The following FRMD6 variants were observed in gnomAD, a reference collection of about 807,000 sequenced individuals.
FRMD6 encodes the protein FERM domain containing 6.
In FRMD6, 37 loss-of-function variants were observed where a neutral mutation model predicts 73.2. The ratio of observed to expected loss-of-function variants is 0.51; its 90% confidence interval spans 0.39 to 0.66. FRMD6 has a LOEUF of 0.66. Ranked by LOEUF, FRMD6 falls within the 30% of genes least tolerant of loss-of-function variation. The pLI is 0.00. For missense variants in FRMD6, 714 were observed against 780.5 expected, an observed-to-expected ratio of 0.91 and a Z score of 1.02; for synonymous variants, 273 against 282.2, an observed-to-expected ratio of 0.97 and a Z score of 0.33.
intron 1 of FRMD6, among the ~76,000 whole-genome samples, chr14:51,657,738 G>A (rs1231370446): frequency 6.6e-6 from 1 of 152,144 alleles, no homozygotes; most frequent in Non-Finnish European, 1.5e-5. Context: ...GAGGTAAGAT[G>A]TGAGAGGAAA....
At chr14:51,582,433 G>C (rs1300283504) in intron 2 of FRMD6, among the ~76,000 whole-genome samples, 1 of 152,130 alleles carries the variant, frequency 6.6e-6, no homozygotes, top group Non-Finnish European at 1.5e-5. Flanking sequence ...TTGGAGTTTT[G>C]CTGTATTTTC....
chr14:51,534,896 C>T (rs1364466635), intron 1 of FRMD6, among the ~76,000 whole-genome samples: 2 of 152,176 alleles, frequency 1.3e-5, no homozygotes, highest in East Asian at 3.9e-4. Flanking sequence ...AGGTACTCTC[C>T]AGTGGAGAAC....
At chr14:51,557,967 TA>T (rs3060582) in intron 1 of FRMD6, among the ~76,000 whole-genome samples, 1,894 of 149,234 alleles carry the variant, frequency 0.013, 34 homozygotes, top group African/African-American at 0.043. Context: ...AAATAAAAGT[TA>T]AAAAAAAAAG....
chr14:51,468,675 G>A, the FRMD6 span, among the ~76,000 whole-genome samples: 20 of 152,150 alleles, frequency 1.3e-4, no homozygotes, highest in African/African-American at 4.1e-4. Context: ...TGGGCAGGGG[G>A]ACAATTCAGT....
chr14:51,724,469 G>A (rs1349773256), intron 12 of FRMD6, among the ~76,000 whole-genome samples: 1 of 152,194 alleles, frequency 6.6e-6, no homozygotes, highest in Non-Finnish European at 1.5e-5. Flanking sequence ...GATCGTTCTA[G>A]ATCCTCTACT....
chr14:51,498,846 A>G (rs953738958), intron 1 of FRMD6, among the ~76,000 whole-genome samples: 1 of 152,174 alleles, frequency 6.6e-6, no homozygotes, highest in African/African-American at 2.4e-5. Context: ...TGTAAAATCT[A>G]CCACTAGATC....
At chr14:51,404,135 A>G in the FRMD6 span, among the ~76,000 whole-genome samples, 60 of 152,242 alleles carry the variant, frequency 3.9e-4, no homozygotes, top group Non-Finnish European at 6.8e-4. Flanking sequence ...TTGAAATACT[A>G]TTGCATTGTA....
intron 1 of FRMD6, among the ~76,000 whole-genome samples, chr14:51,496,613 C>T (rs560364609): frequency 1.3e-5 from 2 of 152,316 alleles, no homozygotes; most frequent in South Asian, 4.1e-4. Flanking sequence ...AGTTGCACAG[C>T]ATTACTTCTG....
At chr14:51,458,882 C>T in the FRMD6 span, among the ~76,000 whole-genome samples, 1 of 152,182 alleles carries the variant, frequency 6.6e-6, no homozygotes, top group African/African-American at 2.4e-5. Context: ...CTAAAACACT[C>T]AAGTTCACTG....
chr14:51,680,542 G>A (rs1594720857), intron 1 of FRMD6, among the ~76,000 whole-genome samples: 1 of 152,278 alleles, frequency 6.6e-6, no homozygotes, highest in East Asian at 1.9e-4. Context: ...ACTTTAACAA[G>A]TGCTAGAGTT....
At chr14:51,622,596 G>A (rs1271886473) in intron 2 of FRMD6, among the ~76,000 whole-genome samples, 1 of 152,128 alleles carries the variant, frequency 6.6e-6, no homozygotes, top group Non-Finnish European at 1.5e-5. Context: ...CTGCCCTAGA[G>A]CTTCACTCGG....
At chr14:51,444,627 T>A in the FRMD6 span, among the ~76,000 whole-genome samples, 1 of 152,186 alleles carries the variant, frequency 6.6e-6, no homozygotes, top group South Asian at 2.1e-4. Flanking sequence ...CTTTGAAGGC[T>A]CTGTCTGCCT....
chr14:51,582,625 C>T (rs752249704), intron 2 of FRMD6, among the ~76,000 whole-genome samples: 4 of 152,200 alleles, frequency 2.6e-5, no homozygotes, highest in East Asian at 1.9e-4. Flanking sequence ...TGAAGCCATG[C>T]TTGCTCTGAG....
the FRMD6 span, among the ~76,000 whole-genome samples, chr14:51,460,515 T>C: frequency 1.3e-5 from 2 of 152,234 alleles, no homozygotes; most frequent in African/African-American, 2.4e-5. Flanking sequence ...TAAGGTAGTT[T>C]CCTAAAAATA....
the FRMD6 span, among the ~76,000 whole-genome samples, chr14:51,431,243 G>A: frequency 6.6e-6 from 1 of 152,170 alleles, no homozygotes; most frequent in African/African-American, 2.4e-5. Context: ...TTCAAAGTTT[G>A]CAAACAGGAA....
intron 2 of FRMD6, among the ~76,000 whole-genome samples, chr14:51,604,192 T>C (rs1437819169): frequency 3.3e-5 from 5 of 152,174 alleles, no homozygotes; most frequent in African/African-American, 1.2e-4. Flanking sequence ...ATGGTGCAGG[T>C]CTGGGAGGAA....
chr14:51,446,846 A>C, the FRMD6 span, among the ~76,000 whole-genome samples: 1 of 152,194 alleles, frequency 6.6e-6, no homozygotes, highest in African/African-American at 2.4e-5. Context: ...TCCTTGGAGA[A>C]GACAGACATA....
At chr14:51,575,990 A>ACTGAATTCTTAGGATGCTACTGTG (rs1888382638) in intron 2 of FRMD6, 1 of 152,418 alleles carries the variant, frequency 6.6e-6, no homozygotes, top group Non-Finnish European at 1.5e-5. Context: ...GAGCCAGAAT[A>ACTGAATTCTTAGGATGCTACTGTG]GAGCAAGTCC....
intron 5 of FRMD6, among the ~76,000 whole-genome samples, chr14:51,704,040 A>G (rs1468016898): frequency 6.6e-6 from 1 of 152,096 alleles, no homozygotes; most frequent in Non-Finnish European, 1.5e-5. Context: ...AGAGATTGTA[A>G]TGAGTGCTCT....
Sources: gnomAD v4.1 joint callset for allele counts (sites outside exome capture counted in the v4.1 genomes callset) on GRCh38, gnomAD v4.1.1 for gene constraint, MANE v1.5 for transcripts, NCBI Gene and HGNC (gene_info 2026-07-23, HGNC 2026-07-21) for gene names.